DPYD: variants seen among roughly 807,000 people sequenced by gnomAD.
The protein encoded by DPYD is dihydropyrimidine dehydrogenase.
In DPYD, 109 loss-of-function variants were observed where a neutral mutation model predicts 116.2. The observed-to-expected ratio is 0.94, with a 90% CI of 0.80 to 1.10. DPYD has a LOEUF of 1.10. DPYD is among the 50% of genes least tolerant of loss of function. The probability of loss-of-function intolerance (pLI) is 0.00; values close to 1 mark genes in which losing one functional copy is unlikely to be tolerated. For missense variants in DPYD, 1,302 were observed against 1,254.5 expected (o/e 1.04, Z -0.57); for synonymous variants, 440 against 432.0 (o/e 1.02, Z -0.23).
chr1:97,818,415 TA>T (rs992626874), intron 3 of DPYD, among the ~76,000 whole-genome samples: 1 of 152,028 alleles, frequency 6.6e-6, no homozygotes, highest in African/African-American at 2.4e-5. Flanking sequence ...TTGTACTTGA[TA>T]ATTATGTAAT....
At chr1:97,637,288 C>G (rs1657622641) in intron 8 of DPYD, among the ~76,000 whole-genome samples, 1 of 152,066 alleles carries the variant, frequency 6.6e-6, no homozygotes. Context: ...CCTAAAGAAA[C>G]CTACTTGTTA....
At chr1:97,137,382 G>A (rs1055510023) in intron 20 of DPYD, among the ~76,000 whole-genome samples, 1 of 152,036 alleles carries the variant, frequency 6.6e-6, no homozygotes, top group Non-Finnish European at 1.5e-5. Flanking sequence ...CAATACTTTG[G>A]GTAGTAATGT....
At chr1:97,311,507 G>A (rs542262019) in intron 16 of DPYD, among the ~76,000 whole-genome samples, 2 of 151,772 alleles carry the variant, frequency 1.3e-5, no homozygotes, top group African/African-American at 2.4e-5. Context: ...CTACCAGATT[G>A]GGGGGTTGGG....
intron 20 of DPYD, 52 bp downstream of exon 20, chr1:97,193,017 T>C (rs1391767956): frequency 1.3e-6 from 2 of 1,597,240 alleles, no homozygotes; most frequent in African/African-American, 1.3e-5. Flanking sequence ...AGATCTGAAA[T>C]AGAAACCAAG....
chr1:97,702,473 T>C (rs1661650462), intron 5 of DPYD, among the ~76,000 whole-genome samples: 1 of 151,918 alleles, frequency 6.6e-6, no homozygotes. Context: ...AACTTTCCCA[T>C]GTTAAAATCT....
chr1:97,731,792 T>C (rs1455153169), intron 4 of DPYD, among the ~76,000 whole-genome samples: 2 of 152,014 alleles, frequency 1.3e-5, no homozygotes, highest in Non-Finnish European at 2.9e-5. Context: ...GTATCCTATG[T>C]GTTTCTTATA....
chr1:97,448,089 T>C (rs988614677), intron 14 of DPYD, among the ~76,000 whole-genome samples: 1 of 152,010 alleles, frequency 6.6e-6, no homozygotes, highest in Non-Finnish European at 1.5e-5. Context: ...CCGGGCATGG[T>C]GGCATGCACC....
chr1:97,788,182 A>G (rs10747486), intron 3 of DPYD, among the ~76,000 whole-genome samples: 113,300 of 152,036 alleles, frequency 0.75, 42,727 homozygotes, highest in East Asian at 0.98. Flanking sequence ...ACATTAACAG[A>G]GACTTGGGAC....
chr1:97,405,978 A>C (rs1487154241), intron 14 of DPYD, among the ~76,000 whole-genome samples: 1 of 152,118 alleles, frequency 6.6e-6, no homozygotes, highest in Non-Finnish European at 1.5e-5. Context: ...GAAGTTTGTC[A>C]AGCTTCTCTA....
At chr1:97,106,460 A>T (rs1286274179) in intron 20 of DPYD, among the ~76,000 whole-genome samples, 1 of 152,178 alleles carries the variant, frequency 6.6e-6, no homozygotes, top group African/African-American at 2.4e-5. Context: ...TGGACTGCAT[A>T]GAACAGAAAG....
At chr1:97,639,782 G>C (rs1445777046) in intron 8 of DPYD, among the ~76,000 whole-genome samples, 1 of 152,092 alleles carries the variant, frequency 6.6e-6, no homozygotes, top group Admixed American at 6.6e-5. Flanking sequence ...TTATCTCATT[G>C]TTAATTCAAG....
intron 19 of DPYD, among the ~76,000 whole-genome samples, chr1:97,221,540 TTA>T (rs1321329244): frequency 6.6e-6 from 1 of 152,138 alleles, no homozygotes; most frequent in African/African-American, 2.4e-5. Flanking sequence ...TTAATACTCT[TTA>T]TAATATATTT....
intron 20 of DPYD, among the ~76,000 whole-genome samples, chr1:97,156,144 T>C (rs17116502): frequency 0.047 from 7,131 of 152,240 alleles, 587 homozygotes; most frequent in African/African-American, 0.16. Context: ...TGATGGAAAA[T>C]TTTTAAATCT....
At chr1:97,473,305 G>T (rs1365637431) in intron 13 of DPYD, among the ~76,000 whole-genome samples, 31 of 152,138 alleles carry the variant, frequency 2.0e-4, no homozygotes, top group Admixed American at 2.0e-3. Context: ...CAAATGTCAG[G>T]ATTTCCTTCT....
intron 8 of DPYD, among the ~76,000 whole-genome samples, chr1:97,641,405 T>C (rs999743130): frequency 6.6e-6 from 1 of 152,032 alleles, no homozygotes; most frequent in African/African-American, 2.4e-5. Context: ...AACCACCAAA[T>C]AAAGAAAGAT....
rs548923019 is a variant in DPYD, at chr1:97,237,668, A to C, written c.2300-2674T>G. Among the ~76,000 whole-genome samples the C allele has an allele frequency of 3.8e-4, 58 of 152,332 alleles. 2 individuals are homozygous for C. Among genetic ancestry groups the C allele is most frequent in the Admixed American group, 3.6e-3 (55 of 15,298 alleles). Reference sequence around the variant, plus strand: ...ACATATCTTCAGTTATACTAAAAGAAATCTACATAACAAAAGTTAAAGGAA... The same window carrying C: ...ACATATCTTCAGTTATACTAAAAGACATCTACATAACAAAAGTTAAAGGAA... On this transcript the variant is annotated intron_variant, in intron 18 of 22. Transcript: ENST00000370192.
chr1:97,419,275 T>A (rs1674449564), intron 14 of DPYD, among the ~76,000 whole-genome samples: 1 of 152,214 alleles, frequency 6.6e-6, no homozygotes, highest in East Asian at 1.9e-4. Context: ...ATATGCAATA[T>A]ATGCCCTACT....
intron 2 of DPYD, among the ~76,000 whole-genome samples, chr1:97,882,742 C>A (rs1192345934): frequency 6.6e-6 from 1 of 152,108 alleles, no homozygotes; most frequent in East Asian, 2.0e-4. Context: ...TTTGCTCCTA[C>A]ACCTCACCTG....
intron 20 of DPYD, among the ~76,000 whole-genome samples, chr1:97,145,829 T>C (rs920832139): frequency 6.6e-6 from 1 of 151,088 alleles, no homozygotes; most frequent in Non-Finnish European, 1.5e-5. Context: ...TGGCATGGTG[T>C]CCACTGCTAG....
Sources: gnomAD v4.1 joint callset for allele counts (sites outside exome capture counted in the v4.1 genomes callset) on GRCh38, gnomAD v4.1.1 for gene constraint, MANE v1.5 for transcripts, NCBI Gene and HGNC (gene_info 2026-07-23, HGNC 2026-07-21) for gene names.